The following HELZ variants were observed in gnomAD, a reference collection of about 807,000 sequenced individuals.
HELZ encodes ATP-dependent RNA helicase with zinc finger domain.
HELZ carries 23 observed loss-of-function variants against 218.2 expected under a neutral mutation model. The ratio of observed to expected loss-of-function variants is 0.11; its 90% CI spans 0.08 to 0.15. HELZ has a LOEUF of 0.15. Among genes scored for constraint, HELZ ranks in the 10% least tolerant of loss-of-function variants. The pLI, the probability that HELZ is intolerant of heterozygous loss-of-function variation, is 1.00. For missense variants in HELZ, 1,813 were observed against 2,353.7 expected (o/e 0.77, Z 4.75); for synonymous variants, 814 against 829.4 (o/e 0.98, Z 0.32).
chr17:67,107,188 G>A lies in HELZ; in HGVS notation c.5222C>T (p.Ser1741Leu), dbSNP rs1184255933. 11 of 1,612,412 alleles carry A rather than the reference G, an allele frequency of 6.8e-6. No individual in the cohort carries two copies. The highest frequency in any genetic ancestry group is 8.5e-6 in the Non-Finnish European group (10 of 1,178,958). ...PLSSRTVSSS[S>L]LPSLEEYEPR... ...ATTTACCTCTTCTAAGCTAGGGAGC[G>A]AAGAAGAAGATACTGTTCGAGATGA... Residue 1741 changes from serine to leucine, a missense_variant, in exon 31 of 33, where the codon TCG (serine) becomes TTG (leucine). Ser to Leu is a moderately radical substitution (Grantham distance 145). Around this residue, in one of 4 missense-constraint regions of HELZ, gnomAD observed 938 missense variants for 1,027.5 expected, o/e 0.91. Coordinates refer to ENST00000358691, the MANE Select transcript of HELZ (RefSeq NM_014877.4).
chr17:67,224,535 T>C (rs2040839031), intron 3 of HELZ: 25 of 386,908 alleles, frequency 6.5e-5, no homozygotes, highest in South Asian at 6.0e-4. Context: ...CCAAATGAGC[T>C]GATAATTGTC....
chr17:67,186,888 G>A (rs915600858), intron 12 of HELZ, among the ~76,000 whole-genome samples: 6 of 152,106 alleles, frequency 3.9e-5, no homozygotes, highest in Non-Finnish European at 7.4e-5. Flanking sequence ...TCAAGGTCTG[G>A]TCTCTAAAAG....
At chr17:67,172,079 C>T (rs2039328902) in intron 13 of HELZ, among the ~76,000 whole-genome samples, 1 of 152,174 alleles carries the variant, frequency 6.6e-6, no homozygotes, top group South Asian at 2.1e-4. Context: ...GTGGTCCACC[C>T]ACCTCGGCCT....
chr17:67,118,968 C>T (rs2037515150), intron 27 of HELZ, among the ~76,000 whole-genome samples: 2 of 152,018 alleles, frequency 1.3e-5, no homozygotes, highest in Non-Finnish European at 2.9e-5. Context: ...TATGATTAGA[C>T]ATCCACTAAC....
chr17:67,089,662 T>TAGAGAG (rs1296400940), intron 31 of HELZ, among the ~76,000 whole-genome samples: 4 of 44,064 alleles, frequency 9.1e-5, no homozygotes, highest in African/African-American at 2.9e-4. Context: ...TATATATATA[T>TAGAGAG]ATATATAGAG....
chr17:67,092,892 C>CGGG (rs61667024), intron 31 of HELZ, among the ~76,000 whole-genome samples: 152 of 147,574 alleles, frequency 1.0e-3, no homozygotes, highest in Middle Eastern at 7.0e-3. Context: ...TTGAAACCGG[C>CGGG]GGGGGGGGGA....
intron 31 of HELZ, among the ~76,000 whole-genome samples, chr17:67,102,593 C>T (rs770855676): frequency 1.3e-5 from 2 of 152,144 alleles, no homozygotes; most frequent in Middle Eastern, 3.4e-3. Context: ...TTGTTGTTAA[C>T]GTTAAAGAAA....
intron 17 of HELZ, among the ~76,000 whole-genome samples, chr17:67,156,559 C>T (rs1005168841): frequency 1.3e-5 from 2 of 152,090 alleles, no homozygotes; most frequent in Non-Finnish European, 2.9e-5. Flanking sequence ...TGTTTCCAGG[C>T]CCAGCGAGTT....
chr17:67,222,003 A>G (rs1421516198), intron 3 of HELZ, among the ~76,000 whole-genome samples: 1 of 151,860 alleles, frequency 6.6e-6, no homozygotes, highest in African/African-American at 2.4e-5. Context: ...ACAACCGGCT[A>G]ATTTTTTTTT....
chr17:67,119,771 A>G (rs757082078), intron 27 of HELZ, among the ~76,000 whole-genome samples: 1 of 152,256 alleles, frequency 6.6e-6, no homozygotes, highest in East Asian at 1.9e-4. Flanking sequence ...AATGTTTAAC[A>G]GGAGAGGACC....
intron 11 of HELZ, among the ~76,000 whole-genome samples, chr17:67,189,003 G>C (rs764135689): frequency 6.6e-6 from 1 of 152,072 alleles, no homozygotes; most frequent in Non-Finnish European, 1.5e-5. Flanking sequence ...GAAGCTAACT[G>C]TTCTTAGATT....
intron 3 of HELZ, among the ~76,000 whole-genome samples, chr17:67,221,337 A>G (rs2040740095): frequency 6.6e-6 from 1 of 152,184 alleles, no homozygotes; most frequent in Non-Finnish European, 1.5e-5. Flanking sequence ...GTTGAGAACT[A>G]CTAATATAGA....
At chr17:67,174,310 T>C (rs2039392507) in intron 13 of HELZ, among the ~76,000 whole-genome samples, 1 of 152,078 alleles carries the variant, frequency 6.6e-6, no homozygotes, top group African/African-American at 2.4e-5. Flanking sequence ...AATGCTAAAA[T>C]GACCATGTAA....
At chr17:67,181,511 T>G (rs988565822) in intron 12 of HELZ, among the ~76,000 whole-genome samples, 1 of 152,196 alleles carries the variant, frequency 6.6e-6, no homozygotes, top group African/African-American at 2.4e-5. Flanking sequence ...TGTATCAAAA[T>G]ATCACACATA....
chr17:67,073,764 G>A lies in HELZ; in HGVS notation c.*4488C>T, dbSNP rs2035949832. 2 of 152,134 alleles carry A rather than the reference G, an allele frequency of 1.3e-5. No homozygotes were observed. Among genetic ancestry groups the A allele is most frequent in the African/African-American group, 4.8e-5 (2 of 41,424 alleles). 9.4% of individuals were successfully genotyped at this position (152,134 alleles called of 1,614,324 possible). On this transcript the variant is annotated 3_prime_UTR_variant, in exon 33 of 33. Coordinates refer to ENST00000358691, the MANE Select transcript of HELZ (RefSeq NM_014877.4). Reference sequence around the variant, plus strand: ...CATATTCTAGTTTAAAGTAATAACAGGATGTGTTTAGTAAGATTCACTCCT... The same window carrying A: ...CATATTCTAGTTTAAAGTAATAACAAGATGTGTTTAGTAAGATTCACTCCT...
At chr17:67,149,063 G>C (rs541475801) in intron 19 of HELZ, among the ~76,000 whole-genome samples, 2 of 152,198 alleles carry the variant, frequency 1.3e-5, no homozygotes, top group South Asian at 2.1e-4. Context: ...CACTAAAATT[G>C]ATTAATTATT....
intron 32 of HELZ, among the ~76,000 whole-genome samples, chr17:67,084,322 A>G (rs1027424227): frequency 3.3e-5 from 5 of 152,356 alleles, no homozygotes; most frequent in Non-Finnish European, 5.9e-5. Flanking sequence ...AGCTTGGGTC[A>G]GCTTTTTATT....
intron 21 of HELZ, among the ~76,000 whole-genome samples, chr17:67,144,435 C>T (rs578041993): frequency 3.3e-5 from 5 of 149,452 alleles, no homozygotes; most frequent in Middle Eastern, 3.4e-3. Flanking sequence ...AAAGGTCACA[C>T]GACCTTTAAA....
chr17:67,084,842 G>C (rs931293907), intron 32 of HELZ, among the ~76,000 whole-genome samples: 1 of 152,126 alleles, frequency 6.6e-6, no homozygotes, highest in East Asian at 1.9e-4. Context: ...CCCTGAAAGT[G>C]ACAAGGCAGG....
Sources: gnomAD v4.1 joint callset for allele counts (sites outside exome capture counted in the v4.1 genomes callset) on GRCh38, gnomAD v4.1.1 for gene constraint, gnomAD v4.1.1 regional missense constraint, MANE v1.5 for transcripts, NCBI Gene and HGNC (gene_info 2026-07-23, HGNC 2026-07-21) for gene names.